Variants in TTC7A observed in about 807,000 individuals in gnomAD.
TTC7A encodes the protein tetratricopeptide repeat domain 7A.
Under a neutral mutation model 103.7 loss-of-function variants are expected in TTC7A, and 110 were observed. The observed-to-expected ratio is 1.06, with a 90% confidence interval of 0.91 to 1.24. The LOEUF (loss-of-function observed/expected upper bound fraction) is 1.24, where lower values mean the gene tolerates loss of function less well. Among genes scored for constraint, TTC7A ranks in the 50% most tolerant of loss-of-function variants. The pLI is 0.00. For synonymous variants in TTC7A, 521 were observed against 467.9 expected (o/e 1.11, Z -1.47); for missense variants, 1,340 against 1,116.3 (o/e 1.20, Z -2.86).
Position 46,978,924 on chromosome 2 carries a change from T to C in TTC7A, c.764+17T>C. 6.3e-7 allele frequency: 1 copy of C among 1,577,238 alleles called. No individual in the cohort carries two copies. The highest frequency in any genetic ancestry group is 8.7e-7 in the Non-Finnish European group (1 of 1,146,622). ...GAAGAAGGGGTAGGTCACTGGTAGT[T>C]GAGTGAGTGGGAGAACGATTCCCCT... On this transcript the variant is annotated intron_variant, in intron 5 of 19. Coordinates refer to ENST00000319190, the MANE Select transcript of TTC7A (RefSeq NM_020458.4).
At chr2:46,916,203 C>T (rs757347504) in exon 1 of TTC7A, 4 of 973,456 alleles carry the variant, frequency 4.1e-6, no homozygotes, top group Non-Finnish European at 4.9e-6. Context: ...CGTCCTGCTG[C>T]AAGTTGGGAA....
intron 11 of TTC7A, among the ~76,000 whole-genome samples, chr2:47,014,125 G>A (rs1453030076): frequency 6.6e-6 from 1 of 152,166 alleles, no homozygotes; most frequent in Non-Finnish European, 1.5e-5. Flanking sequence ...TCTTGCCGAT[G>A]GACACATTCA....
At chr2:46,926,434 C>T (rs1669387032) in intron 2 of TTC7A, among the ~76,000 whole-genome samples, 1 of 152,130 alleles carries the variant, frequency 6.6e-6, no homozygotes, top group South Asian at 2.1e-4. Flanking sequence ...CATGGGAGCA[C>T]ACAGTGGGGG....
intron 18 of TTC7A, among the ~76,000 whole-genome samples, chr2:47,053,444 C>T (rs190601397): frequency 8.5e-4 from 130 of 152,310 alleles, no homozygotes; most frequent in Middle Eastern, 3.4e-3. Context: ...TCAGATTCTG[C>T]AGTTGTGGGT....
intron 5 of TTC7A, among the ~76,000 whole-genome samples, chr2:46,991,312 T>A (rs952277960): frequency 6.6e-6 from 1 of 152,094 alleles, no homozygotes; most frequent in African/African-American, 2.4e-5. Flanking sequence ...GTCCAAGTAC[T>A]ACATTTTGAG....
Position 47,073,732 on chromosome 2 carries a change from A to C in TTC7A, c.2386A>C (p.Ser796Arg), listed in dbSNP as rs1684975890. 2 of 1,613,540 alleles carry C rather than the reference A, an allele frequency of 1.2e-6. No individual in the cohort carries two copies. The highest frequency in any genetic ancestry group is 2.7e-5 in the African/African-American group (2 of 74,878). ...GLMLSRLGHK[S>R]LAQKVLRDAV... ...GATGCTGAGTCGGCTGGGCCACAAG[A>C]GCTTGGCCCAGAAGGTGCTTCGTGA... Residue 796 changes from serine to arginine, a missense_variant, in exon 20 of 20, where the codon AGC becomes CGC. Coordinates refer to ENST00000319190, the MANE Select transcript of TTC7A (RefSeq NM_020458.4).
intron 15 of TTC7A, among the ~76,000 whole-genome samples, chr2:47,039,934 C>T (rs1239705874): frequency 6.6e-6 from 1 of 152,246 alleles, no homozygotes; most frequent in Non-Finnish European, 1.5e-5. Context: ...CCTAGACATA[C>T]AGACCCTGTG....
At chr2:46,939,290 C>G (rs547060121), upstream of TTC7A, among the ~76,000 whole-genome samples, 4 of 152,190 alleles carry the variant, frequency 2.6e-5, no homozygotes, top group African/African-American at 9.6e-5. Flanking sequence ...CGCAGTGGCT[C>G]AAGCCTGTAA....
At chr2:47,072,181 G>C (rs1684792280) in intron 19 of TTC7A, among the ~76,000 whole-genome samples, 1 of 152,188 alleles carries the variant, frequency 6.6e-6, no homozygotes, top group Non-Finnish European at 1.5e-5. Context: ...GCAGCCCTGA[G>C]TCAGCACCGC....
chr2:46,933,424 A>C (rs1669814077), intron 2 of TTC7A, among the ~76,000 whole-genome samples: 1 of 152,264 alleles, frequency 6.6e-6, no homozygotes, highest in Non-Finnish European at 1.5e-5. Context: ...AAGCACAAAG[A>C]ATTCATGATT....
chr2:47,033,117 C>T (rs1054939129), intron 15 of TTC7A, among the ~76,000 whole-genome samples: 1 of 152,174 alleles, frequency 6.6e-6, no homozygotes, highest in Non-Finnish European at 1.5e-5. Flanking sequence ...TGAAAAATGT[C>T]ATTGCTCTTC....
intron 5 of TTC7A, among the ~76,000 whole-genome samples, chr2:46,988,479 T>A (rs1360522331): frequency 6.6e-6 from 1 of 152,268 alleles, no homozygotes; most frequent in Non-Finnish European, 1.5e-5. Context: ...TTAGCAGTAC[T>A]GGCCCTGGAA....
intron 8 of TTC7A, among the ~76,000 whole-genome samples, chr2:47,000,937 A>G (rs1170188833): frequency 6.6e-6 from 1 of 152,086 alleles, no homozygotes; most frequent in African/African-American, 2.4e-5. Flanking sequence ...AGGGTCTCTT[A>G]TGGCACGGAT....
chr2:46,924,610 A>AT (rs1669287165), intron 2 of TTC7A, among the ~76,000 whole-genome samples: 1 of 152,070 alleles, frequency 6.6e-6, no homozygotes, highest in African/African-American at 2.4e-5. Context: ...GTACCTTACT[A>AT]TTCATTGGAT....
At position 47,060,773 on chromosome 2, in the gene TTC7A, G is replaced by C; in HGVS notation, c.2157G>C (p.Glu719Asp). 6.3e-7 allele frequency: 1 copy of C among 1,599,950 alleles called. No individual in the cohort carries two copies. Among genetic ancestry groups the C allele is most frequent in the African/African-American group, 1.3e-5 (1 of 74,848 alleles). The change falls in exon 19 of 20, where the codon GAG (glutamate) becomes GAC (aspartate). Residue 719 changes from glutamate (E) to aspartate (D), a missense_variant. Coordinates refer to ENST00000319190, the MANE Select transcript of TTC7A (RefSeq NM_020458.4). ...TLEQIWLQAA[E>D]LFMEQQHLKE... ...ACTGCCCTTCTGCTTTTGCAGCTGA[G>C]CTGTTCATGGAGCAGCAGCACCTCA...
intron 5 of TTC7A, among the ~76,000 whole-genome samples, chr2:46,987,794 C>G (rs908853516): frequency 1.3e-5 from 2 of 149,506 alleles, no homozygotes; most frequent in African/African-American, 5.0e-5. Context: ...GGTGAAAGCA[C>G]TGTCCCTTTC....
chr2:47,066,367 T>C (rs918897247), intron 19 of TTC7A, among the ~76,000 whole-genome samples: 1 of 152,096 alleles, frequency 6.6e-6, no homozygotes, highest in Admixed American at 6.6e-5. Context: ...AGCTCCCTAC[T>C]GCCACCCCTG....
intron 19 of TTC7A, chr2:47,068,471 C>T (rs919757287): frequency 6.6e-6 from 1 of 151,944 alleles, no homozygotes; most frequent in East Asian, 1.9e-4. Flanking sequence ...TCAATAGGAG[C>T]GTCTTGGCTC....
At chr2:47,021,136 A>G (rs1379986567) in intron 11 of TTC7A, among the ~76,000 whole-genome samples, 1 of 152,100 alleles carries the variant, frequency 6.6e-6, no homozygotes, top group Non-Finnish European at 1.5e-5. Context: ...TGGGCACACT[A>G]CCACACCAGG....
Sources: gnomAD v4.1 joint callset for allele counts (sites outside exome capture counted in the v4.1 genomes callset) on GRCh38, gnomAD v4.1.1 for gene constraint, MANE v1.5 for transcripts, NCBI Gene and HGNC (gene_info 2026-07-23, HGNC 2026-07-21) for gene names.